UPRT: variants seen among roughly 807,000 people sequenced by gnomAD.
The protein encoded by UPRT is uracil phosphoribosyltransferase homolog.
Under a neutral mutation model 22.6 loss-of-function variants are expected in UPRT, and 5 were observed. The ratio of observed to expected loss-of-function variants is 0.22; its 90% CI spans 0.12 to 0.47. The LOEUF (loss-of-function observed/expected upper bound fraction) is 0.47. Among genes scored for constraint, UPRT ranks in the 20% least tolerant of loss-of-function variants. UPRT has a pLI of 0.99. For synonymous variants in UPRT, 77 were observed against 87.7 expected (o/e 0.88, Z 0.68); for missense variants, 181 against 239.9 (o/e 0.75, Z 1.62).
At chrX:75,248,899 A>C (rs777147745) in intron 4 of UPRT, among the ~76,000 whole-genome samples, 1 of 112,154 alleles carries the variant, frequency 8.9e-6, no homozygotes, top group South Asian at 3.7e-4. Context: ...AGTGGGGGCT[A>C]ATATTCAACA....
intron 4 of UPRT, among the ~76,000 whole-genome samples, chrX:75,185,632 C>A (rs1265085154): frequency 8.9e-6 from 1 of 111,967 alleles, no homozygotes; most frequent in Non-Finnish European, 1.9e-5. Context: ...TAGAATTCCG[C>A]TGTGAATCCA....
intron 1 of UPRT, among the ~76,000 whole-genome samples, chrX:75,283,407 T>C (rs2082667077): frequency 9.0e-6 from 1 of 111,633 alleles, no homozygotes; most frequent in Admixed American, 9.5e-5. Flanking sequence ...GATTTATGCT[T>C]TAAAGAGTTT....
At chrX:75,167,275 C>T (rs752759134) in intron 3 of UPRT, among the ~76,000 whole-genome samples, 3 of 111,791 alleles carry the variant, frequency 2.7e-5, no homozygotes, top group African/African-American at 9.7e-5. Context: ...ATCAAGCCTC[C>T]TGCTGATTTT....
upstream of UPRT, among the ~76,000 whole-genome samples, chrX:75,272,676 A>G (rs1314996668): frequency 9.2e-6 from 1 of 108,940 alleles, no homozygotes; most frequent in Non-Finnish European, 1.9e-5. Context: ...CTCTCAAATC[A>G]CCACTAAAGA....
chrX:75,276,542 C>A (rs2082632420), intron 1 of UPRT, among the ~76,000 whole-genome samples: 1 of 111,269 alleles, frequency 9.0e-6, no homozygotes, highest in Non-Finnish European at 1.9e-5. Context: ...CAAAATAAAT[C>A]TTACATATAC....
chrX:75,283,759 C>T lies in UPRT; in HGVS notation c.386+9119C>T, dbSNP rs781590119. Among the ~76,000 whole-genome samples, 9 of 111,295 alleles carry T rather than the reference C, an allele frequency of 8.1e-5. No homozygotes were observed. The East Asian group carries it at 8.5e-4, about 10-fold the overall frequency. ...TTCATCTTAACTTTGGATAGCCCGA[C>T]GAAAATGTGCCTAGGCTATGACCTT... On this transcript the variant is annotated intron_variant, in intron 1 of 6. Coordinates refer to ENST00000373383, the MANE Select transcript of UPRT (RefSeq NM_145052.4).
intron 1 of UPRT, among the ~76,000 whole-genome samples, chrX:75,158,367 A>G (rs932123302): frequency 8.9e-6 from 1 of 112,607 alleles, no homozygotes; most frequent in African/African-American, 3.2e-5. Flanking sequence ...CACAGATCAC[A>G]TGATAGCACT....
intron 4 of UPRT, among the ~76,000 whole-genome samples, chrX:75,255,081 G>C (rs915598319): frequency 2.1e-4 from 23 of 111,178 alleles, no homozygotes; most frequent in Non-Finnish European, 4.2e-4. Flanking sequence ...GGCCAGGAAA[G>C]AATCTTAAGA....
At chrX:75,178,231 G>A (rs1457197486) in intron 4 of UPRT, among the ~76,000 whole-genome samples, 1 of 112,164 alleles carries the variant, frequency 8.9e-6, no homozygotes, top group Non-Finnish European at 1.9e-5. Flanking sequence ...TCTTTAGTCC[G>A]GCGGCTGCGC....
intron 4 of UPRT, among the ~76,000 whole-genome samples, chrX:75,191,474 T>TGCTGGGGGAACCAC (rs61284215): frequency 9.4e-5 from 10 of 106,290 alleles, no homozygotes; most frequent in Admixed American, 6.1e-4. Flanking sequence ...TCAAACTCTG[T>TGCTGGGGGAACCAC]TACTCTCTTC....
intron 4 of UPRT, among the ~76,000 whole-genome samples, chrX:75,223,156 G>A (rs761191182): frequency 1.8e-5 from 2 of 109,929 alleles, no homozygotes; most frequent in African/African-American, 6.6e-5. Flanking sequence ...CATGGAATGG[G>A]GTCCTCATGA....
chrX:75,167,634 T>G (rs1158325233), intron 3 of UPRT, among the ~76,000 whole-genome samples: 1 of 112,377 alleles, frequency 8.9e-6, no homozygotes, highest in East Asian at 2.8e-4. Context: ...TTCCAAACAT[T>G]ACTATGCAAT....
chrX:75,252,482 C>A (rs752245039), intron 4 of UPRT, among the ~76,000 whole-genome samples: 1 of 112,429 alleles, frequency 8.9e-6, no homozygotes, highest in South Asian at 3.7e-4. Flanking sequence ...CAAATCAAAA[C>A]CACAATGAGA....
chrX:75,274,387 T>C lies in UPRT; in HGVS notation c.133T>C (p.Ser45Pro). The change falls in exon 1 of 7, where the codon TCC (serine) becomes CCC (proline). Residue 45 changes from serine (S) to proline (P), a missense_variant. By Grantham distance (74) the Ser-to-Pro change is moderately conservative. This residue lies in a region of UPRT where 111 missense variants were observed against 102.8 expected (regional missense o/e 1.08). Transcript: ENST00000373383. ...GGACCACGCAGGGGGAAACAGAGCCTCCAGGGCCAAGGTGATTCTCCTCAC... is the reference window on the plus strand; with the variant it reads ...GGACCACGCAGGGGGAAACAGAGCCCCCAGGGCCAAGGTGATTCTCCTCAC... ...ILDHAGGNRA[S>P]RAKVILLTGY... is the part of the protein sequence containing the mutation. 1.7e-6 allele frequency: 2 copies of C among 1,211,270 alleles called. No individual in the cohort carries two copies. The highest frequency in any genetic ancestry group is 2.2e-6 in the Non-Finnish European group (2 of 895,367).
intron 4 of UPRT, among the ~76,000 whole-genome samples, chrX:75,171,388 G>A (rs888636289): frequency 4.0e-4 from 45 of 111,487 alleles, no homozygotes; most frequent in Admixed American, 3.9e-3. Flanking sequence ...AGTACATTTT[G>A]CATTTTGCTA....
At chrX:75,213,717 A>T (rs2082385438) in intron 4 of UPRT, among the ~76,000 whole-genome samples, 1 of 111,987 alleles carries the variant, frequency 8.9e-6, no homozygotes, top group African/African-American at 3.2e-5. Context: ...CAGAGCAAAA[A>T]AAAAGTATCA....
chrX:75,184,377 A>T (rs1234639463), intron 4 of UPRT, among the ~76,000 whole-genome samples: 2 of 106,229 alleles, frequency 1.9e-5, no homozygotes, highest in Non-Finnish European at 3.9e-5. Flanking sequence ...TGTTCCATTG[A>T]TCTATATCTC....
Position 75,274,493 on chromosome X carries a change from G to A in UPRT, c.239G>A (p.Ser80Asn). The A allele has an allele frequency of 8.3e-7, 1 of 1,211,855 alleles. No homozygotes were observed. The highest frequency in any genetic ancestry group is 1.1e-6 in the Non-Finnish European group (1 of 895,563). The change falls in exon 1 of 7, where the codon AGT becomes AAT. Residue 80 changes from serine (S) to asparagine (N), a missense_variant. Physicochemically the swap from Ser to Asn is conservative, Grantham distance 46 (BLOSUM62 1). Transcript: ENST00000373383. ...GGSSLNSEGNSGSGDSSSYDA... is the reference protein window; with the variant it reads ...GGSSLNSEGNNGSGDSSSYDA... ...TCCAGCCTCAACTCAGAGGGCAACA[G>A]TGGTAGTGGTGACAGTAGCAGCTAT...
chrX:75,206,329 C>T (rs1345702850), intron 4 of UPRT, among the ~76,000 whole-genome samples: 1 of 110,892 alleles, frequency 9.0e-6, no homozygotes. Flanking sequence ...CAGTGCTGCC[C>T]TGCCAGGTGC....
Sources: gnomAD v4.1 joint callset for allele counts (sites outside exome capture counted in the v4.1 genomes callset) on GRCh38, gnomAD v4.1.1 for gene constraint, gnomAD v4.1.1 regional missense constraint, MANE v1.5 for transcripts, NCBI Gene and HGNC (gene_info 2026-07-23, HGNC 2026-07-21) for gene names.